The following FKBP11 variants were observed in gnomAD, a reference collection of about 807,000 sequenced individuals.
FKBP11 encodes the protein FKBP prolyl isomerase 11.
FKBP11 carries 21 observed loss-of-function variants against 24.7 expected under a neutral mutation model. The observed-to-expected ratio is 0.85, with a 90% CI of 0.60 to 1.23. FKBP11 has a LOEUF of 1.23. Ranked by LOEUF, FKBP11 falls within the 50% of genes most tolerant of loss-of-function variation. FKBP11 has a pLI of 0.00. For missense variants in FKBP11, 245 were observed against 248.7 expected, an observed-to-expected ratio of 0.99 and a Z score of 0.10; for synonymous variants, 106 against 100.6, an observed-to-expected ratio of 1.05 and a Z score of -0.32.
At chr12:48,922,311 G>T in intron 5 of FKBP11, 110 bp from the exon 6 acceptor site, 1 of 994,798 alleles carries the variant, frequency 1.0e-6, no homozygotes. Flanking sequence ...CAACTATGAA[G>T]CTGACAAGAT....
the FKBP11 span, chr12:48,938,971 G>A: frequency 6.2e-7 from 1 of 1,612,350 alleles, no homozygotes. Context: ...TGAGCTGATT[G>A]GCCAGCCAGT....
chr12:48,925,630 C>T (rs1939948706), upstream of FKBP11: 1 of 647,196 alleles, frequency 1.5e-6, no homozygotes, highest in Non-Finnish European at 2.6e-6. Flanking sequence ...TCTGTACCCT[C>T]CAAGATCCGG....
chr12:48,924,908 C>A, intron 2 of FKBP11, 138 bp downstream of exon 2: 1 of 1,439,920 alleles, frequency 6.9e-7, no homozygotes, highest in South Asian at 1.5e-5. Flanking sequence ...CGTCTCTCCC[C>A]TCGCCACGTG....
At chr12:48,926,281 T>G (rs1241554861), upstream of FKBP11, 6 of 127,108 alleles carry the variant, frequency 4.7e-5, no homozygotes, top group East Asian at 1.6e-3. Flanking sequence ...CAGGCTGGAG[T>G]GCAGTGGTGC....
At chr12:48,923,908 C>T in intron 4 of FKBP11, 56 bp from the exon 5 acceptor site, 2 of 1,546,468 alleles carry the variant, frequency 1.3e-6, no homozygotes, top group Non-Finnish European at 8.9e-7. Flanking sequence ...CCAGCAGCCT[C>T]AGTCCAGCTG....
intron 5 of FKBP11, 161 bp from the exon 6 acceptor site, chr12:48,922,362 G>A (rs893645195): frequency 1.4e-6 from 1 of 730,010 alleles, no homozygotes; most frequent in Non-Finnish European, 2.1e-6. Flanking sequence ...GAGTAGAGGA[G>A]GATTTACGAG....
At chr12:48,931,478 A>G in the FKBP11 span, 1 of 1,535,698 alleles carries the variant, frequency 6.5e-7, no homozygotes, top group South Asian at 1.2e-5. Flanking sequence ...ATCAAGTTAG[A>G]AGAAATCCAA....
At chr12:48,924,674 T>G in intron 2 of FKBP11, 26 bp from the exon 3 acceptor site, 1 of 1,607,704 alleles carries the variant, frequency 6.2e-7, no homozygotes, top group Non-Finnish European at 8.5e-7. Context: ...ATCAAGAGCA[T>G]ACATCTAGCA....
chr12:48,930,075 C>A (rs1419237152), upstream of FKBP11, among the ~76,000 whole-genome samples: 1 of 152,184 alleles, frequency 6.6e-6, no homozygotes, highest in Non-Finnish European at 1.5e-5. Flanking sequence ...ATGTCTGGAG[C>A]TAAGTACTAG....
chr12:48,928,357 T>C (rs978042125), upstream of FKBP11, among the ~76,000 whole-genome samples: 1 of 151,830 alleles, frequency 6.6e-6, no homozygotes, highest in Non-Finnish European at 1.5e-5. Context: ...CCTTTTTTTT[T>C]TTCTTTTGAC....
the FKBP11 span, chr12:48,938,829 G>C: frequency 7.4e-7 from 1 of 1,344,890 alleles, no homozygotes; most frequent in Non-Finnish European, 1.0e-6. Flanking sequence ...CTGGGCATGT[G>C]GACATGATAC....
chr12:48,924,443 G>C, intron 3 of FKBP11, 118 bp downstream of exon 3: 2 of 1,163,518 alleles, frequency 1.7e-6, no homozygotes, highest in Non-Finnish European at 2.5e-6. Flanking sequence ...GAGGTAACTC[G>C]TAGAGCCCTA....
Position 48,923,816 on chromosome 12 carries a change from G to A in FKBP11, c.354C>T (p.Ala118=), listed in dbSNP as rs753977575. 6.2e-7 allele frequency: 1 copy of A among 1,614,118 alleles called. No individual in the cohort carries two copies. The highest frequency in any genetic ancestry group is 2.2e-5 in the East Asian group (1 of 44,886). ...ATGGTGGAAATCCCCGTTTTCCATAGGCCAAGTGAGAAGGAATGATTGCCC... is the reference window on the plus strand; with the variant it reads ...ATGGTGGAAATCCCCGTTTTCCATAAGCCAAGTGAGAAGGAATGATTGCCC... ...KRRAIIPSHL[A]YGKRGFPPSV... is the part of the protein sequence containing the mutation. Residue 118 remains alanine, a synonymous_variant, in exon 5 of 6, where the codon GCC becomes GCT. Coordinates refer to ENST00000550765, the MANE Select transcript of FKBP11 (RefSeq NM_016594.3).
the FKBP11 span, chr12:48,938,274 A>T: frequency 9.9e-6 from 4 of 404,590 alleles, no homozygotes; most frequent in Admixed American, 1.1e-4. Flanking sequence ...CTACCTGCAG[A>T]GAGGAGGGTA....
chr12:48,938,612 A>G, the FKBP11 span: 3 of 450,318 alleles, frequency 6.7e-6, no homozygotes, highest in Admixed American at 7.7e-5. Context: ...CCAAGAGGAC[A>G]GCAACCACTG....
At chr12:48,930,430 T>C (rs1449030127), upstream of FKBP11, among the ~76,000 whole-genome samples, 1 of 152,246 alleles carries the variant, frequency 6.6e-6, no homozygotes, top group Non-Finnish European at 1.5e-5. Flanking sequence ...TATTTTTGTA[T>C]TGTTTGGATC....
At chr12:48,923,161 A>AT in intron 5 of FKBP11, 1 of 1,144,868 alleles carries the variant, frequency 8.7e-7, no homozygotes, top group South Asian at 1.9e-5. Flanking sequence ...AAAAAAAAAA[A>AT]GAATTACGAG....
chr12:48,923,579 T>G, intron 5 of FKBP11: 1 of 1,551,870 alleles, frequency 6.4e-7, no homozygotes, highest in Non-Finnish European at 8.7e-7. Flanking sequence ...TCATGCCAGG[T>G]GGCCTCATCA....
At chr12:48,931,315 C>T, upstream of FKBP11, 1 of 1,016,424 alleles carries the variant, frequency 9.8e-7, no homozygotes, top group Non-Finnish European at 1.5e-6. Flanking sequence ...AGGTCTGAGG[C>T]TCTGTTCAGG....
Sources: allele counts gnomAD v4.1 joint callset (sites outside exome capture counted in the v4.1 genomes callset), GRCh38; gene constraint gnomAD v4.1.1; transcripts MANE v1.5; gene names NCBI Gene and HGNC (gene_info 2026-07-23, HGNC 2026-07-21).